AOX1: variants seen among roughly 807,000 people sequenced by gnomAD.
The protein encoded by AOX1 is aldehyde oxidase.
Under a neutral mutation model 169.5 loss-of-function variants are expected in AOX1, and 153 were observed. That is an observed-to-expected ratio of 0.90 (90% confidence interval 0.79 to 1.03). AOX1 has a LOEUF of 1.03. Among genes scored for constraint, AOX1 ranks in the 50% least tolerant of loss-of-function variants. AOX1 has a pLI of 0.00. For missense variants in AOX1, 1,656 were observed against 1,663.9 expected, an observed-to-expected ratio of 1.00 and a Z score of 0.08; for synonymous variants, 562 against 581.9, an observed-to-expected ratio of 0.97 and a Z score of 0.49.
chr2:200,622,393 A>G (rs4428003), intron 18 of AOX1, among the ~76,000 whole-genome samples: 98,465 of 152,136 alleles, frequency 0.65, 31,973 homozygotes, highest in Middle Eastern at 0.68. Flanking sequence ...ACAGCAGTCA[A>G]CAGGTTTTCT....
chr2:200,635,015 G>A, intron 21 of AOX1, 100 bp downstream of exon 21: 1 of 1,469,618 alleles, frequency 6.8e-7, no homozygotes, highest in Non-Finnish European at 9.3e-7. Context: ...GGGAATTTGA[G>A]GTGGGGGGAT....
chr2:200,589,104 G>A (rs116052235), intron 1 of AOX1, among the ~76,000 whole-genome samples: 4 of 152,106 alleles, frequency 2.6e-5, no homozygotes, highest in Non-Finnish European at 4.4e-5. Context: ...AAGCCACTTA[G>A]GAGAAAATAG....
rs117903835 is a variant in AOX1 at position 200,653,878 on chromosome 2, T to G, written c.3075+2677T>G. On this transcript the variant is annotated intron_variant, in intron 26 of 34. Transcript: ENST00000374700. ...ATAATTATGGTGATCTGTGATCAGT[T>G]ATCTTTGATTTTACTGTTGTAATTG... Among the ~76,000 whole-genome samples the G allele has an allele frequency of 1.5e-4, 23 of 152,318 alleles. No homozygotes were observed. In the East Asian group the frequency reaches 4.4e-3, roughly 29 times the overall value.
Position 200,593,134 on chromosome 2 carries a change from C to T in AOX1, c.46-12C>T. On this transcript the variant is annotated splice_polypyrimidine_tract_variant and intron_variant, in intron 1 of 34. Coordinates refer to ENST00000374700, the MANE Select transcript of AOX1 (RefSeq NM_001159.4). Reference sequence around the variant, plus strand: ...GCTCTCTCAACTAACTCTTATTTTCCCTTTGGTATAGGTGATAGAAAAAAA... The same window carrying T: ...GCTCTCTCAACTAACTCTTATTTTCTCTTTGGTATAGGTGATAGAAAAAAA... The T allele has an allele frequency of 6.2e-7, 1 of 1,608,232 alleles. No homozygotes were observed. Among genetic ancestry groups the T allele is most frequent in the South Asian group, 1.1e-5 (1 of 90,912 alleles).
At chr2:200,614,733 C>G (rs2347866) in intron 15 of AOX1, among the ~76,000 whole-genome samples, 99,624 of 151,956 alleles carry the variant, frequency 0.66, 32,765 homozygotes, top group East Asian at 0.82. Context: ...CTTTAAATAG[C>G]AGACACAAAG....
chr2:200,634,849 C>T lies in AOX1; in HGVS notation c.2280C>T (p.Val760=), dbSNP rs201577079. Residue 760 remains valine, a synonymous_variant, in exon 21 of 35, where the codon GTC becomes GTT. Transcript: ENST00000374700. ...HFYMETQSML[V]VPKGEDQEMD... is the part of the protein sequence containing the mutation. The stretch of plus-strand genomic sequence containing the variant: ...ATATGGAAACCCAAAGCATGCTTGT[C>T]GTTCCCAAGGGAGAGGATCAAGAAA... 1.2e-5 allele frequency: 20 copies of T among 1,614,000 alleles called. No homozygotes were observed. Among genetic ancestry groups the T allele is most frequent in the East Asian group, 8.9e-5 (4 of 44,862 alleles).
chr2:200,662,705 C>T, intron 30 of AOX1, 150 bp from the exon 31 acceptor site: 1 of 592,780 alleles, frequency 1.7e-6, no homozygotes, highest in Non-Finnish European at 3.0e-6. Context: ...ATTTATTCAA[C>T]ACATTTATCG....
At chr2:200,666,628 C>A in intron 31 of AOX1, 59 bp from the exon 32 acceptor site, 5 of 1,309,436 alleles carry the variant, frequency 3.8e-6, no homozygotes, top group Non-Finnish European at 5.3e-6. Context: ...TGTTCCTCAG[C>A]TTCTTCTCCC....
At chr2:200,643,680 G>T (rs928293051) in intron 25 of AOX1, among the ~76,000 whole-genome samples, 1 of 152,134 alleles carries the variant, frequency 6.6e-6, no homozygotes, top group Non-Finnish European at 1.5e-5. Context: ...CACCAGCAGT[G>T]TAGATGTGTT....
At chr2:200,657,329 T>C (rs1216350593) in intron 27 of AOX1, among the ~76,000 whole-genome samples, 1 of 150,762 alleles carries the variant, frequency 6.6e-6, no homozygotes, top group Non-Finnish European at 1.5e-5. Context: ...TACTCCAGCC[T>C]CGGTGGCAGA....
intron 27 of AOX1, among the ~76,000 whole-genome samples, chr2:200,657,152 C>A (rs2035705260): frequency 9.8e-6 from 1 of 101,850 alleles, no homozygotes; most frequent in Non-Finnish European, 1.9e-5. Context: ...AGGGAGATTC[C>A]ATCTCTACCA....
chr2:200,616,811 G>T (rs1246339112), intron 16 of AOX1, among the ~76,000 whole-genome samples: 3 of 152,128 alleles, frequency 2.0e-5, no homozygotes, highest in African/African-American at 7.2e-5. Context: ...ACATGAAAAG[G>T]CTTTTTAAAG....
intron 20 of AOX1, among the ~76,000 whole-genome samples, chr2:200,629,994 C>T (rs2035082727): frequency 6.6e-6 from 1 of 152,004 alleles, no homozygotes; most frequent in Non-Finnish European, 1.5e-5. Context: ...TCTATAATCC[C>T]AGCACTTTGG....
intron 25 of AOX1, among the ~76,000 whole-genome samples, chr2:200,647,833 G>A (rs766536763): frequency 2.6e-5 from 4 of 152,092 alleles, no homozygotes; most frequent in Admixed American, 1.3e-4. Flanking sequence ...CAAAGACCTT[G>A]TCTTCGAGCT....
At chr2:200,657,506 GC>G (rs1270427362) in intron 27 of AOX1, among the ~76,000 whole-genome samples, 1 of 152,070 alleles carries the variant, frequency 6.6e-6, no homozygotes, top group African/African-American at 2.4e-5. Flanking sequence ...TTGTTTTATT[GC>G]TAAAGAAAAT....
At chr2:200,665,802 G>A (rs542283999) in intron 31 of AOX1, among the ~76,000 whole-genome samples, 3 of 152,202 alleles carry the variant, frequency 2.0e-5, no homozygotes, top group Non-Finnish European at 2.9e-5. Context: ...CTAACCTTCA[G>A]CTGAGGCCAC....
intron 27 of AOX1, among the ~76,000 whole-genome samples, chr2:200,657,190 A>ATATATATATATATATTTTTT: frequency 1.1e-4 from 7 of 62,882 alleles, no homozygotes; most frequent in African/African-American, 2.4e-4. Flanking sequence ...ATATATATAT[A>ATATATATATATATATTTTTT]TTTTTTTTTT....
At chr2:200,601,327 A>G (rs2034409696) in intron 5 of AOX1, among the ~76,000 whole-genome samples, 1 of 152,184 alleles carries the variant, frequency 6.6e-6, no homozygotes, top group Admixed American at 6.5e-5. Context: ...ACAAAGATGT[A>G]TTCGTCAAAG....
At chr2:200,634,164 A>ATTTTTTTTTTT (rs58341876) in intron 20 of AOX1, among the ~76,000 whole-genome samples, 73 of 84,964 alleles carry the variant, frequency 8.6e-4, no homozygotes, top group East Asian at 4.0e-3. Flanking sequence ...TTTCTTGAGG[A>ATTTTTTTTTTT]TTTTTTTTTT....
Sources: gnomAD v4.1 joint callset for allele counts (sites outside exome capture counted in the v4.1 genomes callset) on GRCh38, gnomAD v4.1.1 for gene constraint, MANE v1.5 for transcripts, NCBI Gene and HGNC (gene_info 2026-07-23, HGNC 2026-07-21) for gene names.